The following OSM variants were observed in gnomAD, a reference collection of about 807,000 sequenced individuals.
OSM encodes the protein oncostatin M.
In OSM, 1 loss-of-function variant was observed where a neutral mutation model predicts 6.3. That is an observed-to-expected ratio of 0.16 (90% CI 0.06 to 0.76). OSM has a LOEUF of 0.76. Ranked by LOEUF, OSM falls within the 30% of genes least tolerant of loss-of-function variation. OSM has a pLI of 0.77. For synonymous variants in OSM, 135 were observed against 143.4 expected (o/e 0.94, Z 0.42); for missense variants, 324 against 336.9 (o/e 0.96, Z 0.30).
rs200868623 is a variant in OSM at position 30,265,071 on chromosome 22, G to A, written c.108C>T (p.Arg36=). ...AAIGSCSKEY[R]VLLGQLQKQT... ...GCTTCTGGAGCTGGCCAAGGAGCACGCGGTACTCTTTCGAGCAGCTGCCTA... is the reference window on the plus strand; with the variant it reads ...GCTTCTGGAGCTGGCCAAGGAGCACACGGTACTCTTTCGAGCAGCTGCCTA... Residue 36 remains arginine (R), a synonymous_variant, in exon 2 of 3, where the codon CGC becomes CGT. Coordinates refer to ENST00000215781, the MANE Select transcript of OSM (RefSeq NM_020530.6). The A allele has an allele frequency of 8.1e-6, 13 of 1,614,072 alleles. No individual in the cohort carries two copies. The highest frequency in any genetic ancestry group is 3.3e-5 in the South Asian group (3 of 91,086).
chr22:30,262,851 A>T lies in OSM; in HGVS notation c.*1032T>A, dbSNP rs1451619333. 6.5e-6 allele frequency: 1 copy of T among 152,758 alleles called. No individual in the cohort carries two copies. Among genetic ancestry groups the T allele is most frequent in the Non-Finnish European group, 1.5e-5 (1 of 68,050 alleles). The allele number at this position is 152,758 out of a possible 1,614,324, so 9.5% of individuals were successfully genotyped here. On this transcript the variant is annotated 3_prime_UTR_variant, in exon 3 of 3. Transcript: ENST00000215781. ...GGGTTTAGAAACCAGGCAAGTTTTA[A>T]ATATAAGTTTGCACAATATTAACAT...
intron 2 of OSM, among the ~76,000 whole-genome samples, 186 bp from the exon 3 acceptor site, chr22:30,264,650 G>A (rs1047663590): frequency 2.6e-5 from 4 of 152,314 alleles, no homozygotes; most frequent in African/African-American, 9.6e-5. Context: ...AGTGATGTTG[G>A]GGGGCTGGTG....
At position 30,263,983 on chromosome 22, in the gene OSM, CGGCTCCGGTTCG is replaced by C; in HGVS notation, c.647_658del (p.Pro216_Ser219del). On this transcript the variant is annotated inframe_deletion, in exon 3 of 3. Coordinates refer to ENST00000215781, the MANE Select transcript of OSM (RefSeq NM_020530.6). ...CAGGGCCTGGTGGGGGCTGTGTCTCCGGCTCCGGTTCGGGCTCTCCCCCCACTTGCTGAAGAC... is the reference window on the plus strand; with the variant it reads ...CAGGGCCTGGTGGGGGCTGTGTCTCCGGCTCTCCCCCCACTTGCTGAAGAC... The C allele has an allele frequency of 1.3e-6, 2 of 1,548,272 alleles. No individual in the cohort carries two copies. Among genetic ancestry groups the C allele is most frequent in the Non-Finnish European group, 1.7e-6 (2 of 1,146,498 alleles).
Position 30,265,023 on chromosome 22 carries a change from G to T in OSM, c.156C>A (p.Thr52=). ...LQKQTDLMQD[T]SRLLDPYIRI... ...TTACATAGGGGTCCAGGAGTCTGCT[G>T]GTGTCCTGCATGAGATCTGTCTGCT... is the stretch of plus-strand genomic sequence containing the variant. Residue 52 remains threonine (T), a synonymous_variant, in exon 2 of 3, where the codon ACC becomes ACA. Coordinates refer to ENST00000215781, the MANE Select transcript of OSM (RefSeq NM_020530.6). 1 of 1,614,148 alleles carries T rather than the reference G, an allele frequency of 6.2e-7. No individual in the cohort carries two copies. Among genetic ancestry groups the T allele is most frequent in the Non-Finnish European group, 8.5e-7 (1 of 1,179,994 alleles).
chr22:30,266,793 C>T lies in OSM; in HGVS notation c.7G>A (p.Val3Ile). The change falls in exon 1 of 3, where the codon GTA (valine) becomes ATA (isoleucine). Residue 3 changes from valine to isoleucine, a missense_variant. Physicochemically the swap from Val to Ile is conservative, Grantham distance 29. Coordinates refer to ENST00000215781, the MANE Select transcript of OSM (RefSeq NM_020530.6). The surrounding 1 kb of genome is among the most constrained non-coding windows in gnomAD (Gnocchi z 5.0). ...AGCAGCGTCCTCTGTGTGAGCAGTA[C>T]CCCCATGCTGGGTGCCCGTGCTCCG... MG[V>I]LLTQRTLLSL... The T allele has an allele frequency of 1.9e-6, 3 of 1,612,924 alleles. No homozygotes were observed. The highest frequency in any genetic ancestry group is 2.5e-6 in the Non-Finnish European group (3 of 1,179,340).
rs1459469647 is a variant in OSM at position 30,266,183 on chromosome 22, G to C, written c.34+583C>G. Among the ~76,000 whole-genome samples, 1 of 152,220 alleles carries C rather than the reference G, an allele frequency of 6.6e-6. No individual in the cohort carries two copies. Among genetic ancestry groups the C allele is most frequent in the Non-Finnish European group, 1.5e-5 (1 of 68,024 alleles). On this transcript the variant is annotated intron_variant, in intron 1 of 2. Coordinates refer to ENST00000215781, the MANE Select transcript of OSM (RefSeq NM_020530.6). The surrounding 1 kb of genome is among the most constrained non-coding windows in gnomAD (Gnocchi z 5.0). Reference sequence around the variant, plus strand: ...GGGGTTTCTGTGTGGCTGTGCATCTGGGTCTGTGTGCGGCGTGAGGGAGAC... The same window carrying C: ...GGGGTTTCTGTGTGGCTGTGCATCTCGGTCTGTGTGCGGCGTGAGGGAGAC...
rs1380320421 is a variant in OSM at position 30,263,878 on chromosome 22, C to T, written c.*5G>A. On this transcript the variant is annotated 3_prime_UTR_variant, in exon 3 of 3. Coordinates refer to ENST00000215781, the MANE Select transcript of OSM (RefSeq NM_020530.6). ...ATCCTTCACCGGCAAGGGGTGCTCT[C>T]GAGGCTACCGGGGCAGCTGTCCCCT... 23 of 1,494,764 alleles carry T rather than the reference C, an allele frequency of 1.5e-5. No individual in the cohort carries two copies. The highest frequency in any genetic ancestry group is 1.8e-4 in the Middle Eastern group (1 of 5,538). The allele number at this position is 1,494,764 out of a possible 1,614,324, so 92.6% of individuals were successfully genotyped here.
chr22:30,263,820 G>T lies in OSM; in HGVS notation c.*63C>A. ...GGGGACCCGGGAGCTGTCATCCTGC[G>T]ATGGTTCCTCTCATCCACAGAGCAC... is the stretch of plus-strand genomic sequence containing the variant. On this transcript the variant is annotated 3_prime_UTR_variant, in exon 3 of 3. Transcript: ENST00000215781. The T allele has an allele frequency of 7.6e-7, 1 of 1,321,752 alleles. No individual in the cohort carries two copies. Among genetic ancestry groups the T allele is most frequent in the African/African-American group, 1.5e-5 (1 of 68,410 alleles). 81.9% of individuals were successfully genotyped at this position (1,321,752 alleles called of 1,614,324 possible).
At chr22:30,264,664 T>C (rs1409207266) in intron 2 of OSM, among the ~76,000 whole-genome samples, 200 bp from the exon 3 acceptor site, 2 of 152,104 alleles carry the variant, frequency 1.3e-5, no homozygotes, top group African/African-American at 4.8e-5. Flanking sequence ...GCTGGTGGGA[T>C]GCCCGTGGGG....
At chr22:30,265,261 A>G in intron 1 of OSM, 117 bp from the exon 2 acceptor site, 3 of 1,510,836 alleles carry the variant, frequency 2.0e-6, no homozygotes, top group Non-Finnish European at 2.6e-6. Flanking sequence ...GACTTTGTGT[A>G]GTGGAGGGCG....
chr22:30,266,730 C>T lies in OSM; in HGVS notation c.34+36G>A, dbSNP rs767656484. On this transcript the variant is annotated intron_variant, in intron 1 of 2. Coordinates refer to ENST00000215781, the MANE Select transcript of OSM (RefSeq NM_020530.6). The surrounding 1 kb of genome is among the most constrained non-coding windows in gnomAD (Gnocchi z 5.0). ...CACCGGCACCCGTGGGCAGACCCAGCAGGCGGGTTCTGGCGGGGAGGAAGG... is the reference window on the plus strand; with the variant it reads ...CACCGGCACCCGTGGGCAGACCCAGTAGGCGGGTTCTGGCGGGGAGGAAGG... 2 of 1,612,256 alleles carry T rather than the reference C, an allele frequency of 1.2e-6. No homozygotes were observed. Among genetic ancestry groups the T allele is most frequent in the Non-Finnish European group, 1.7e-6 (2 of 1,178,914 alleles).
intron 1 of OSM, chr22:30,265,476 C>T: frequency 1.0e-6 from 1 of 995,660 alleles, no homozygotes; most frequent in Non-Finnish European, 1.2e-6. Context: ...CGGTTCTAAC[C>T]TCGGGAGCTG....
In OSM at chr22:30,262,907, T is replaced by C. The variant is rs1225835423; in HGVS notation, c.*976A>G. On this transcript the variant is annotated 3_prime_UTR_variant, in exon 3 of 3. Transcript: ENST00000215781. Reference sequence around the variant, plus strand: ...ATACATCATAAATAAGGCTTATAAATATAAAACTGATAAAAATTGATAAAA... The same window carrying C: ...ATACATCATAAATAAGGCTTATAAACATAAAACTGATAAAAATTGATAAAA... 6.5e-6 allele frequency: 1 copy of C among 152,696 alleles called. No homozygotes were observed. Among genetic ancestry groups the C allele is most frequent in the Non-Finnish European group, 1.5e-5 (1 of 68,034 alleles). 9.5% of individuals were successfully genotyped at this position (152,696 alleles called of 1,614,324 possible). A position where few individuals can be genotyped will look rare whatever the true frequency, so the allele number is the denominator to read the frequency against.
Position 30,266,628 on chromosome 22 carries a change from C to G in OSM, c.34+138G>C. The G allele has an allele frequency of 1.1e-6, 1 of 879,710 alleles. No homozygotes were observed. The highest frequency in any genetic ancestry group is 1.8e-6 in the Non-Finnish European group (1 of 557,736). The allele number at this position is 879,710 out of a possible 1,614,324, so 54.5% of individuals were successfully genotyped here. ...ACTCTCTCTGCCTGACCTCCTGGCT[C>G]TCTCCCCTTCTCAGCATCCTTCTGC... On this transcript the variant is annotated intron_variant, in intron 1 of 2. Transcript: ENST00000215781. This position sits in a 1 kb window ranked among gnomAD's most constrained non-coding sequence, Gnocchi z 5.0.
chr22:30,265,007 G>A lies in OSM; in HGVS notation c.172C>T (p.Pro58Ser), dbSNP rs768332942. ...LMQDTSRLLD[P>S]YIRIQGLDVP... Reference sequence around the variant, plus strand: ...ACAAGGGCCCAGGTGCTTACATAGGGGTCCAGGAGTCTGCTGGTGTCCTGC... The same window carrying A: ...ACAAGGGCCCAGGTGCTTACATAGGAGTCCAGGAGTCTGCTGGTGTCCTGC... The change falls in exon 2 of 3, where the codon CCC becomes TCC. Residue 58 changes from proline (P) to serine (S), a missense_variant. By Grantham distance (74) the Pro-to-Ser change is moderately conservative. Coordinates refer to ENST00000215781, the MANE Select transcript of OSM (RefSeq NM_020530.6). 1 of 1,613,940 alleles carries A rather than the reference G, an allele frequency of 6.2e-7. No individual in the cohort carries two copies. The highest frequency in any genetic ancestry group is 2.2e-5 in the East Asian group (1 of 44,880).
chr22:30,263,701 C>T lies in OSM; in HGVS notation c.*182G>A. 1 of 460,842 alleles carries T rather than the reference C, an allele frequency of 2.2e-6. No homozygotes were observed. 28.5% of individuals were successfully genotyped at this position (460,842 alleles called of 1,614,324 possible). On this transcript the variant is annotated 3_prime_UTR_variant, in exon 3 of 3. Transcript: ENST00000215781. Reference sequence around the variant, plus strand: ...GAGGTGGGAGCGCAACAGCCTGACTCTGTCTCCCAGCCTGGAGGAGGTAGA... The same window carrying T: ...GAGGTGGGAGCGCAACAGCCTGACTTTGTCTCCCAGCCTGGAGGAGGTAGA...
intron 1 of OSM, chr22:30,265,451 G>A: frequency 4.3e-6 from 5 of 1,151,474 alleles, no homozygotes; most frequent in Non-Finnish European, 5.4e-6. Flanking sequence ...CCGGATCCCA[G>A]TCCTGCCTAC....
In OSM at chr22:30,266,665, C is replaced by A; in HGVS notation, c.34+101G>T. On this transcript the variant is annotated intron_variant, in intron 1 of 2. Transcript: ENST00000215781. The surrounding 1 kb of genome is among the most constrained non-coding windows in gnomAD (Gnocchi z 5.0). The stretch of plus-strand genomic sequence containing the variant: ...CAGCATCCTTCTGCCTGGCGCCTGG[C>A]CTCCCCAGTTCCCGGAGGGCAGAGG... The A allele has an allele frequency of 7.4e-7, 1 of 1,351,406 alleles. No homozygotes were observed. The allele number at this position is 1,351,406 out of a possible 1,614,324, so 83.7% of individuals were successfully genotyped here.
intron 1 of OSM, chr22:30,265,462 A>G: frequency 9.0e-7 from 1 of 1,105,556 alleles, no homozygotes; most frequent in Non-Finnish European, 1.1e-6. Flanking sequence ...TCCTGCCTAC[A>G]GCACGGTTCT....
Sources: allele counts gnomAD v4.1 joint callset (sites outside exome capture counted in the v4.1 genomes callset), GRCh38; gene constraint gnomAD v4.1.1; non-coding constraint Gnocchi (gnomAD v3.1); transcripts MANE v1.5; gene names NCBI Gene and HGNC (gene_info 2026-07-23, HGNC 2026-07-21).